The following SLC10A7 variants were observed in gnomAD, a reference collection of about 807,000 sequenced individuals.
SLC10A7 encodes the protein solute carrier family 10 member 7.
In SLC10A7, 29 loss-of-function variants were observed where a neutral mutation model predicts 43.2. The ratio of observed to expected loss-of-function variants is 0.67; its 90% CI spans 0.50 to 0.92. The LOEUF is 0.92. SLC10A7 is among the 40% of genes least tolerant of loss of function. SLC10A7 has a pLI of 0.00. For missense variants in SLC10A7, 295 were observed against 403.2 expected (o/e 0.73, Z 2.30); for synonymous variants, 152 against 144.8 (o/e 1.05, Z -0.35).
At chr4:146,501,747 C>T (rs913626363) in intron 4 of SLC10A7, among the ~76,000 whole-genome samples, 1 of 152,174 alleles carries the variant, frequency 6.6e-6, no homozygotes, top group Admixed American at 6.5e-5. Context: ...TAGGCTAATA[C>T]TCCCCAAACC....
chr4:146,363,669 G>A (rs2149767558), intron 5 of SLC10A7, among the ~76,000 whole-genome samples: 1 of 151,996 alleles, frequency 6.6e-6, no homozygotes, highest in African/African-American at 2.4e-5. Context: ...TGACCACAAT[G>A]GAATAAAACT....
chr4:146,398,651 A>G (rs1469401991), intron 5 of SLC10A7, among the ~76,000 whole-genome samples: 1 of 152,242 alleles, frequency 6.6e-6, no homozygotes, highest in African/African-American at 2.4e-5. Flanking sequence ...GGTGATGTCA[A>G]AAGACAAGAA....
At chr4:146,257,002 T>C in intron 11 of SLC10A7, 1 of 1,086,816 alleles carries the variant, frequency 9.2e-7, no homozygotes, top group Non-Finnish European at 1.3e-6. Flanking sequence ...CTTCTGTTAT[T>C]CTACAGAACA....
chr4:146,489,662 G>C (rs549517630), intron 4 of SLC10A7, among the ~76,000 whole-genome samples: 1 of 152,156 alleles, frequency 6.6e-6, no homozygotes, highest in African/African-American at 2.4e-5. Flanking sequence ...TTGTGCATCA[G>C]AACAGTCCTG....
chr4:146,380,948 G>A (rs1371407235), intron 5 of SLC10A7, among the ~76,000 whole-genome samples: 2 of 152,048 alleles, frequency 1.3e-5, no homozygotes, highest in Admixed American at 6.6e-5. Context: ...CAGTTCCAAA[G>A]TTTCTAGGGA....
intron 5 of SLC10A7, among the ~76,000 whole-genome samples, chr4:146,376,291 G>A (rs1737192714): frequency 6.6e-6 from 1 of 152,140 alleles, no homozygotes; most frequent in Non-Finnish European, 1.5e-5. Context: ...TTATTGATAT[G>A]GATAGGAGGA....
At position 146,258,820 on chromosome 4, in the gene SLC10A7, T is replaced by G. The variant is rs767761921; in HGVS notation, c.865A>C (p.Ile289Leu). 1 of 1,606,530 alleles carries G rather than the reference T, an allele frequency of 6.2e-7. No individual in the cohort carries two copies. Among genetic ancestry groups the G allele is most frequent in the South Asian group, 1.1e-5 (1 of 88,854 alleles). The change falls in exon 11 of 12, where the codon ATC becomes CTC. Residue 289 changes from isoleucine to leucine, a missense_variant. By Grantham distance (5) the Ile-to-Leu change is conservative. Transcript: ENST00000335472. ...SLTLGIPMLK[I>L]VFAGHEHLSL... ...AGATGCTCATGGCCTGCAAACACGA[T>G]CTTCAGCATCGGAATTCCTGTTGAA...
intron 6 of SLC10A7, among the ~76,000 whole-genome samples, chr4:146,321,959 T>G (rs1317510856): frequency 2.6e-5 from 4 of 152,174 alleles, no homozygotes; most frequent in East Asian, 1.9e-4. Flanking sequence ...TATCTAATGA[T>G]GTGTGTGATA....
At chr4:146,509,814 G>T in intron 3 of SLC10A7, 99 bp downstream of exon 3, 2 of 1,069,356 alleles carry the variant, frequency 1.9e-6, no homozygotes, top group Non-Finnish European at 2.6e-6. Flanking sequence ...TTTTAAGATG[G>T]TACACATAAG....
intron 5 of SLC10A7, among the ~76,000 whole-genome samples, chr4:146,357,631 C>T (rs1735750470): frequency 6.6e-6 from 1 of 152,192 alleles, no homozygotes; most frequent in Non-Finnish European, 1.5e-5. Flanking sequence ...TTGGTAAGCG[C>T]AACTTATTTG....
At chr4:146,441,895 A>C (rs76459245) in intron 5 of SLC10A7, 44,576 of 982,628 alleles carry the variant, frequency 0.045, 1,223 homozygotes, top group South Asian at 0.16. Flanking sequence ...ACATACAATA[A>C]TAATTAACAG....
At chr4:146,374,087 G>A (rs1017427628) in intron 5 of SLC10A7, among the ~76,000 whole-genome samples, 1 of 152,212 alleles carries the variant, frequency 6.6e-6, no homozygotes, top group African/African-American at 2.4e-5. Context: ...CAGATTGGAA[G>A]AGACCTGGGT....
chr4:146,293,762 G>A (rs531842003), intron 8 of SLC10A7, among the ~76,000 whole-genome samples, 168 bp downstream of exon 8: 9 of 152,238 alleles, frequency 5.9e-5, no homozygotes, highest in African/African-American at 1.9e-4. Flanking sequence ...GTGTAAAGCC[G>A]ATGTATTTTA....
chr4:146,520,933 C>T (rs895732552), intron 1 of SLC10A7, among the ~76,000 whole-genome samples: 72 of 152,166 alleles, frequency 4.7e-4, no homozygotes, highest in African/African-American at 1.4e-3. Context: ...AGTATGCTTT[C>T]AGTCCATCCA....
chr4:146,443,832 T>C (rs1197512092), intron 4 of SLC10A7, among the ~76,000 whole-genome samples: 1 of 152,216 alleles, frequency 6.6e-6, no homozygotes, highest in Non-Finnish European at 1.5e-5. Flanking sequence ...AGCTTAGCTC[T>C]CCTATTCCAG....
intron 5 of SLC10A7, among the ~76,000 whole-genome samples, chr4:146,372,242 T>C (rs955609072): frequency 6.6e-6 from 1 of 151,900 alleles, no homozygotes; most frequent in African/African-American, 2.4e-5. Flanking sequence ...TTGCTTGAGC[T>C]CAGGAGTTCA....
chr4:146,442,302 C>T (rs2149890961), intron 5 of SLC10A7: 1 of 985,690 alleles, frequency 1.0e-6, no homozygotes, highest in Admixed American at 6.2e-5. Context: ...ATCTTCCTTT[C>T]AAATTTTTTT....
At chr4:146,395,084 T>G (rs2149809068) in intron 5 of SLC10A7, among the ~76,000 whole-genome samples, 1 of 152,240 alleles carries the variant, frequency 6.6e-6, no homozygotes, top group African/African-American at 2.4e-5. Flanking sequence ...AAAATGCAGT[T>G]TTGGCTGGGC....
At chr4:146,483,964 C>T (rs778922309) in intron 4 of SLC10A7, among the ~76,000 whole-genome samples, 1 of 151,924 alleles carries the variant, frequency 6.6e-6, no homozygotes, top group East Asian at 1.9e-4. Flanking sequence ...AACAATGGAG[C>T]CTCTAAATAT....
Sources: gnomAD v4.1 joint callset for allele counts (sites outside exome capture counted in the v4.1 genomes callset) on GRCh38, gnomAD v4.1.1 for gene constraint, MANE v1.5 for transcripts, NCBI Gene and HGNC (gene_info 2026-07-23, HGNC 2026-07-21) for gene names.